The following ERICH3 variants were observed in gnomAD, a reference collection of about 807,000 sequenced individuals.
ERICH3 encodes glutamate rich 3.
A neutral mutation model predicts 131.1 loss-of-function variants in ERICH3; 126 were observed. That is an observed-to-expected ratio of 0.96 (90% CI 0.83 to 1.11). ERICH3 has a LOEUF of 1.11. Among genes scored for constraint, ERICH3 ranks in the 50% most tolerant of loss-of-function variants. The pLI is 0.00. For synonymous variants in ERICH3, 695 were observed against 644.6 expected, an observed-to-expected ratio of 1.08 and a Z score of -1.18; for missense variants, 2,050 against 1,810.7, an observed-to-expected ratio of 1.13 and a Z score of -2.40.
At chr1:74,646,599 C>G (rs1413826214) in intron 3 of ERICH3, 68 bp downstream of exon 3, 1 of 941,508 alleles carries the variant, frequency 1.1e-6, no homozygotes, top group Admixed American at 3.8e-5. Flanking sequence ...AAGATTTATA[C>G]CTCCATCTTC....
At chr1:74,600,631 A>G (rs188787809) in intron 10 of ERICH3, among the ~76,000 whole-genome samples, 14 of 151,988 alleles carry the variant, frequency 9.2e-5, no homozygotes, top group Non-Finnish European at 2.1e-4. Context: ...GGTGCTATAA[A>G]TCTGTAGCAG....
At chr1:74,667,753 G>T (rs1646705371) in intron 1 of ERICH3, among the ~76,000 whole-genome samples, 2 of 152,118 alleles carry the variant, frequency 1.3e-5, no homozygotes, top group South Asian at 4.1e-4. Context: ...TCTCAGCAGA[G>T]ACTGAGAGAA....
chr1:74,663,867 T>C (rs1646665078), intron 1 of ERICH3, among the ~76,000 whole-genome samples: 1 of 152,158 alleles, frequency 6.6e-6, no homozygotes, highest in African/African-American at 2.4e-5. Flanking sequence ...GGCTTTCTGT[T>C]ACTTTCAGCT....
In ERICH3 at chr1:74,646,751, T is replaced by C; in HGVS notation, c.159A>G (p.Lys53=). 1 of 1,499,234 alleles carries C rather than the reference T, an allele frequency of 6.7e-7. No homozygotes were observed. The highest frequency in any genetic ancestry group is 9.0e-7 in the Non-Finnish European group (1 of 1,105,812). The allele number at this position is 1,499,234 out of a possible 1,614,324, so 92.9% of individuals were successfully genotyped here. A position where few individuals can be genotyped will look rare whatever the true frequency, so the allele number is the denominator to read the frequency against. Reference sequence around the variant, plus strand: ...GATGATCCCGCTTCATCATATTTAGTTTATATTCTTTTTCAGAAAGTATTC... The same window carrying C: ...GATGATCCCGCTTCATCATATTTAGCTTATATTCTTTTTCAGAAAGTATTC... ...SGRILSEKEY[K]LNMMKRDHQK... Residue 53 remains lysine (K), a synonymous_variant, in exon 3 of 15, where the codon AAA becomes AAG. Transcript: ENST00000326665.
chr1:74,579,462 C>T (rs545547277), intron 12 of ERICH3: 1 of 985,282 alleles, frequency 1.0e-6, no homozygotes, highest in South Asian at 4.7e-5. Flanking sequence ...CACCACTTGC[C>T]CACGTCTGCT....
At chr1:74,637,913 A>G (rs1343941166) in intron 5 of ERICH3, among the ~76,000 whole-genome samples, 2 of 106,778 alleles carry the variant, frequency 1.9e-5, no homozygotes, top group African/African-American at 3.2e-5. Flanking sequence ...GCTGTCTCAG[A>G]AAAAAAAAAA....
At chr1:74,644,986 G>A (rs1275016428) in intron 3 of ERICH3, among the ~76,000 whole-genome samples, 1 of 151,958 alleles carries the variant, frequency 6.6e-6, no homozygotes, top group African/African-American at 2.4e-5. Flanking sequence ...TCTGGCCTCA[G>A]TGAGGGTTCC....
Position 74,572,940 on chromosome 1 carries a change from C to G in ERICH3, c.2770G>C (p.Glu924Gln). 1.2e-6 allele frequency: 2 copies of G among 1,614,036 alleles called. No individual in the cohort carries two copies. The highest frequency in any genetic ancestry group is 1.7e-6 in the Non-Finnish European group (2 of 1,180,010). The change falls in exon 14 of 15, where the codon GAG (glutamate) becomes CAG (glutamine). Residue 924 changes from glutamate to glutamine, a missense_variant. Coordinates refer to ENST00000326665, the MANE Select transcript of ERICH3 (RefSeq NM_001002912.5). ...EHLHEVAALR[E>Q]AATSEEGEAE... is the part of the protein sequence containing the mutation. Reference sequence around the variant, plus strand: ...TCTCCCTCCTCCGATGTCGCTGCCTCTCTCAGGGCTGCTACTTCATGAAGA... The same window carrying G: ...TCTCCCTCCTCCGATGTCGCTGCCTGTCTCAGGGCTGCTACTTCATGAAGA...
At chr1:74,641,132 T>C (rs1015063471) in intron 5 of ERICH3, among the ~76,000 whole-genome samples, 199 bp downstream of exon 5, 3 of 151,944 alleles carry the variant, frequency 2.0e-5, no homozygotes, top group Non-Finnish European at 4.4e-5. Context: ...ACAAGCAAAA[T>C]TGATTTGGCA....
At chr1:74,587,557 A>G (rs1570826764) in intron 12 of ERICH3, among the ~76,000 whole-genome samples, 1 of 152,262 alleles carries the variant, frequency 6.6e-6, no homozygotes, top group Middle Eastern at 3.4e-3. Flanking sequence ...TGACATGATC[A>G]TAGTGCTACA....
rs1174863138 is a variant in ERICH3, at chr1:74,571,638, C to A, written c.4072G>T (p.Glu1358Ter). 1 of 1,614,156 alleles carries A rather than the reference C, an allele frequency of 6.2e-7. No individual in the cohort carries two copies. Among genetic ancestry groups the A allele is most frequent in the Admixed American group, 1.7e-5 (1 of 60,034 alleles). Residue 1358 changes from glutamate to a stop codon, truncating the protein, a stop_gained, in exon 14 of 15, where the codon GAG becomes TAG. Coordinates refer to ENST00000326665, the MANE Select transcript of ERICH3 (RefSeq NM_001002912.5). LOFTEE classifies it high-confidence loss of function. Reference protein sequence around the residue: ...ETAETAAEEREVLAGSETAEE... With the variant: ...ETAETAAEER Reference sequence around the variant, plus strand: ...GCTGTCTCCGAACCTGCCAACACCTCCCTCTCCTCTGCGGCTGTTTCTGCC... The same window carrying A: ...GCTGTCTCCGAACCTGCCAACACCTACCTCTCCTCTGCGGCTGTTTCTGCC...
intron 1 of ERICH3, among the ~76,000 whole-genome samples, chr1:74,660,582 C>T (rs1037190437): frequency 3.0e-5 from 4 of 134,926 alleles, no homozygotes; most frequent in African/African-American, 8.2e-5. Flanking sequence ...TGCACACATT[C>T]AGACACACAA....
chr1:74,669,133 G>A (rs188961688), intron 1 of ERICH3, among the ~76,000 whole-genome samples: 23 of 152,190 alleles, frequency 1.5e-4, no homozygotes, highest in Admixed American at 9.8e-4. Flanking sequence ...GATGAAAAAC[G>A]ACTGCATTAT....
intron 12 of ERICH3, 35 bp from the exon 13 acceptor site, chr1:74,576,971 A>G (rs765320023): frequency 1.3e-6 from 2 of 1,555,960 alleles, no homozygotes; most frequent in Admixed American, 3.7e-5. Context: ...AAAAAGGTCA[A>G]ATGAATCACT....
At chr1:74,657,272 C>A (rs1381183772) in intron 1 of ERICH3, among the ~76,000 whole-genome samples, 1 of 151,938 alleles carries the variant, frequency 6.6e-6, no homozygotes, top group Non-Finnish European at 1.5e-5. Context: ...TTGTGGCATG[C>A]TACATATTGC....
In ERICH3 at chr1:74,568,898, A is replaced by G. The variant is rs1646903248; in HGVS notation, c.*1560T>C. The G allele has an allele frequency of 1.3e-5, 2 of 152,158 alleles. No homozygotes were observed. Among genetic ancestry groups the G allele is most frequent in the Admixed American group, 6.5e-5 (1 of 15,274 alleles). The allele number at this position is 152,158 out of a possible 1,614,324, so 9.4% of individuals were successfully genotyped here. ...GCTTGTTAAGCTATGGATTACTGGA[A>G]CCCACCAAGAGTTTCTAATTTAGTA... On this transcript the variant is annotated 3_prime_UTR_variant, in exon 15 of 15. Coordinates refer to ENST00000326665, the MANE Select transcript of ERICH3 (RefSeq NM_001002912.5).
chr1:74,619,943 G>T (rs1649141565), intron 8 of ERICH3, among the ~76,000 whole-genome samples: 2 of 152,088 alleles, frequency 1.3e-5, no homozygotes, highest in South Asian at 2.1e-4. Context: ...TTCAATTAAT[G>T]AGGGAAATCA....
At chr1:74,583,522 T>C (rs566811861) in intron 12 of ERICH3, among the ~76,000 whole-genome samples, 4 of 152,126 alleles carry the variant, frequency 2.6e-5, no homozygotes, top group Non-Finnish European at 4.4e-5. Flanking sequence ...TGTCTTATTA[T>C]ACTGTACTCA....
intron 4 of ERICH3, among the ~76,000 whole-genome samples, chr1:74,641,990 A>C (rs78090008): frequency 0.028 from 4,238 of 152,216 alleles, 201 homozygotes; most frequent in African/African-American, 0.097. Context: ...GGCAAGGGTG[A>C]ATAACACACA....
Sources: allele counts gnomAD v4.1 joint callset (sites outside exome capture counted in the v4.1 genomes callset), GRCh38; gene constraint gnomAD v4.1.1; transcripts MANE v1.5; gene names NCBI Gene and HGNC (gene_info 2026-07-23, HGNC 2026-07-21).